ANKDD1B: variants seen among roughly 807,000 people sequenced by gnomAD.
The protein encoded by ANKDD1B is ankyrin repeat and death domain containing 1B.
A neutral mutation model predicts 59.7 loss-of-function variants in ANKDD1B; 57 were observed. The observed-to-expected ratio is 0.95, with a 90% CI of 0.77 to 1.19. ANKDD1B has a LOEUF of 1.19. Ranked by LOEUF, ANKDD1B falls within the 50% of genes most tolerant of loss-of-function variation. The probability of loss-of-function intolerance (pLI) is 0.00; values close to 1 mark genes in which losing one functional copy is unlikely to be tolerated. For missense variants in ANKDD1B, 602 were observed against 641.9 expected (o/e 0.94, Z 0.67); for synonymous variants, 216 against 239.5 (o/e 0.90, Z 0.91).
rs532360546 is a variant in ANKDD1B, at chr5:75,671,330, T to A, written c.*290T>A. ...GACGGTTTTGTATGTCATGTTTTTTTAAAAAACTCATGGGAGCAGCATCAT... is the reference window on the plus strand; with the variant it reads ...GACGGTTTTGTATGTCATGTTTTTTAAAAAAACTCATGGGAGCAGCATCAT... On this transcript the variant is annotated 3_prime_UTR_variant, in exon 14 of 14. Transcript: ENST00000601380. 10 of 226,692 alleles carry A rather than the reference T, an allele frequency of 4.4e-5. No homozygotes were observed. In the East Asian group the frequency reaches 6.9e-4, roughly 16 times the overall value. The allele number at this position is 226,692 out of a possible 1,614,324, so 14.0% of individuals were successfully genotyped here.
chr5:75,666,865 C>T lies in ANKDD1B; in HGVS notation c.1265C>T (p.Thr422Ile). Residue 422 changes from threonine (T) to isoleucine (I), a missense_variant, in exon 12 of 14, where the codon ACC (threonine) becomes ATC (isoleucine). By Grantham distance (89) the Thr-to-Ile change is moderately conservative (BLOSUM62 -1). Around this residue, in one of 3 missense-constraint regions of ANKDD1B, gnomAD observed 280 missense variants for 319.8 expected, o/e 0.88. Transcript: ENST00000601380. ...TTCAAGCAAGATCACAGTCTGGAGA[C>T]CAGACACATTCGCACGCTTCTCTGG... ...LTFKQDHSLE[T>I]RHIRTLLWDL... is the part of the protein sequence containing the mutation. 1.3e-6 allele frequency: 2 copies of T among 1,535,914 alleles called. No homozygotes were observed. Among genetic ancestry groups the T allele is most frequent in the Non-Finnish European group, 1.7e-6 (2 of 1,146,830 alleles).
chr5:75,642,425 C>T lies in ANKDD1B; in HGVS notation c.798+6543C>T, dbSNP rs1422031096. Among the ~76,000 whole-genome samples the T allele has an allele frequency of 4.1e-5, 6 of 147,076 alleles. No homozygotes were observed. The East Asian group carries it at 8.1e-4, about 20-fold the overall frequency. On this transcript the variant is annotated intron_variant, in intron 7 of 13. Transcript: ENST00000601380. ...CGAGCCGAAGCAGGGCGAGGCATTGCCTCACCTGGGAAGCGCAAGGGGTCA... is the reference window on the plus strand; with the variant it reads ...CGAGCCGAAGCAGGGCGAGGCATTGTCTCACCTGGGAAGCGCAAGGGGTCA...
intron 13 of ANKDD1B, among the ~76,000 whole-genome samples, chr5:75,669,608 C>T (rs945699227): frequency 6.6e-6 from 1 of 152,098 alleles, no homozygotes; most frequent in African/African-American, 2.4e-5. Context: ...TGTGTCATCC[C>T]CCTACTCAGC....
intron 3 of ANKDD1B, among the ~76,000 whole-genome samples, chr5:75,620,915 C>T (rs1457788129): frequency 6.6e-6 from 1 of 152,240 alleles, no homozygotes; most frequent in Non-Finnish European, 1.5e-5. Context: ...TCCTGGTCCT[C>T]TGTCTGGAAA....
chr5:75,655,549 A>G (rs1261599644), intron 8 of ANKDD1B, among the ~76,000 whole-genome samples: 1 of 152,142 alleles, frequency 6.6e-6, no homozygotes, highest in Admixed American at 6.5e-5. Flanking sequence ...ACACTTACTT[A>G]TCCTTCATAT....
intron 5 of ANKDD1B, among the ~76,000 whole-genome samples, chr5:75,627,954 G>A (rs141489510): frequency 1.9e-4 from 29 of 152,292 alleles, no homozygotes; most frequent in African/African-American, 7.0e-4. Context: ...TGGGAAAAAG[G>A]GTTGGCAGCA....
chr5:75,666,800 T>C lies in ANKDD1B; in HGVS notation c.1200T>C (p.His400=). ...AATTATTTTCACTTTAGGAGCATCATGAGAGCATCAGGGACCCGTCAACAG... is the reference window on the plus strand; with the variant it reads ...AATTATTTTCACTTTAGGAGCATCACGAGAGCATCAGGGACCCGTCAACAG... ...ERYYAWREEH[H]ESIRDPSTGF... is the part of the protein sequence containing the mutation. The change falls in exon 12 of 14, where the codon CAT becomes CAC. Residue 400 remains histidine, a synonymous_variant. Transcript: ENST00000601380. 6.5e-7 allele frequency: 1 copy of C among 1,534,332 alleles called. No individual in the cohort carries two copies. Among genetic ancestry groups the C allele is most frequent in the South Asian group, 1.2e-5 (1 of 84,022 alleles).
intron 3 of ANKDD1B, among the ~76,000 whole-genome samples, chr5:75,623,193 G>A (rs937353846): frequency 6.6e-6 from 1 of 152,010 alleles, no homozygotes; most frequent in Non-Finnish European, 1.5e-5. Context: ...ATCCTTCCAA[G>A]TAGCTGGGAT....
At chr5:75,636,805 A>G (rs1326276496) in intron 7 of ANKDD1B, among the ~76,000 whole-genome samples, 1 of 151,906 alleles carries the variant, frequency 6.6e-6, no homozygotes, top group East Asian at 1.9e-4. Flanking sequence ...GAGAGGGAGG[A>G]CTTTCTGCCC....
chr5:75,664,348 G>C (rs1432752760), intron 11 of ANKDD1B, among the ~76,000 whole-genome samples: 1 of 152,094 alleles, frequency 6.6e-6, no homozygotes, highest in Non-Finnish European at 1.5e-5. Flanking sequence ...TGATATATAT[G>C]GATTCTTTTA....
intron 5 of ANKDD1B, among the ~76,000 whole-genome samples, chr5:75,627,258 G>T (rs546494512): frequency 6.6e-6 from 1 of 152,054 alleles, no homozygotes; most frequent in Non-Finnish European, 1.5e-5. Flanking sequence ...TAACAACAAG[G>T]GTTGATAGGA....
intron 9 of ANKDD1B, among the ~76,000 whole-genome samples, chr5:75,659,076 T>TG (rs5868779): frequency 0.85 from 129,308 of 152,170 alleles, 55,245 homozygotes; most frequent in African/African-American, 0.94. Flanking sequence ...AATATATAGA[T>TG]TATCATAATT....
chr5:75,620,488 T>C (rs1773819680), intron 3 of ANKDD1B, 75 bp downstream of exon 3: 2 of 795,202 alleles, frequency 2.5e-6, no homozygotes, highest in Non-Finnish European at 4.0e-6. Flanking sequence ...CAGTTAGACA[T>C]CTTTTCTTCA....
chr5:75,668,218 G>T (rs2112037828), intron 12 of ANKDD1B, among the ~76,000 whole-genome samples: 1 of 152,238 alleles, frequency 6.6e-6, no homozygotes. Context: ...GTTTATTTCT[G>T]CTGGATGAGG....
At chr5:75,629,713 T>G (rs1377209288) in intron 5 of ANKDD1B, among the ~76,000 whole-genome samples, 1 of 151,850 alleles carries the variant, frequency 6.6e-6, no homozygotes, top group Non-Finnish European at 1.5e-5. Context: ...GGTGGGAGGA[T>G]CTCTTGAGCT....
At position 75,670,960 on chromosome 5, in the gene ANKDD1B, G is replaced by C; in HGVS notation, c.1526-19G>C. 3.4e-6 allele frequency: 4 copies of C among 1,176,444 alleles called. No individual in the cohort carries two copies. The highest frequency in any genetic ancestry group is 4.3e-6 in the Non-Finnish European group (4 of 937,452). The allele number at this position is 1,176,444 out of a possible 1,614,324, so 72.9% of individuals were successfully genotyped here. On this transcript the variant is annotated intron_variant, in intron 13 of 13. Transcript: ENST00000601380. Reference sequence around the variant, plus strand: ...TTAAAAATTTTAGGTATTCATAAATGTTATCTTATTTTTTCCAGAAAAGAC... The same window carrying C: ...TTAAAAATTTTAGGTATTCATAAATCTTATCTTATTTTTTCCAGAAAAGAC...
intron 10 of ANKDD1B, 73 bp downstream of exon 10, chr5:75,659,454 C>T (rs909596787): frequency 9.4e-6 from 10 of 1,063,786 alleles, no homozygotes; most frequent in Admixed American, 4.0e-5. Flanking sequence ...CAGCCTTGAG[C>T]AGCGTTATTG....
At chr5:75,635,537 T>G in intron 6 of ANKDD1B, 1 of 331,234 alleles carries the variant, frequency 3.0e-6, no homozygotes. Flanking sequence ...TTGCTAGCAA[T>G]TGGTAGCAAA....
intron 3 of ANKDD1B, among the ~76,000 whole-genome samples, chr5:75,622,173 G>A (rs1272156864): frequency 6.6e-6 from 1 of 152,132 alleles, no homozygotes; most frequent in African/African-American, 2.4e-5. Context: ...TTATTCAGTG[G>A]CTGTTGTGCA....
Sources: allele counts gnomAD v4.1 joint callset (sites outside exome capture counted in the v4.1 genomes callset), GRCh38; gene constraint gnomAD v4.1.1; regional missense constraint gnomAD v4.1.1; transcripts MANE v1.5; gene names NCBI Gene and HGNC (gene_info 2026-07-23, HGNC 2026-07-21).